The following MCF2L2 variants were observed in gnomAD, a reference collection of about 807,000 sequenced individuals.
The protein encoded by MCF2L2 is MCF.2 cell line derived transforming sequence-like 2, also known as probable guanine nucleotide exchange factor MCF2L2.
Under a neutral mutation model 150.2 loss-of-function variants are expected in MCF2L2, and 102 were observed. The observed-to-expected ratio is 0.68, with a 90% CI of 0.58 to 0.80. MCF2L2 has a LOEUF of 0.80. Among genes scored for constraint, MCF2L2 ranks in the 30% least tolerant of loss-of-function variants. The pLI is 0.00. For synonymous variants in MCF2L2, 465 were observed against 491.3 expected (o/e 0.95, Z 0.71); for missense variants, 1,256 against 1,372.8 (o/e 0.91, Z 1.34).
At chr3:183,395,684 C>T (rs148067929) in intron 1 of MCF2L2, among the ~76,000 whole-genome samples, 11,696 of 151,918 alleles carry the variant, frequency 0.077, 504 homozygotes, top group African/African-American at 0.1. Context: ...TTTGGGAGGC[C>T]GAAGTGGGAG....
At chr3:183,338,201 C>T (rs561379620) in intron 5 of MCF2L2, among the ~76,000 whole-genome samples, 283 of 152,062 alleles carry the variant, frequency 1.9e-3, no homozygotes, top group Non-Finnish European at 3.1e-3. Flanking sequence ...AATCCCAGCA[C>T]TTTGGGAGGC....
intron 14 of MCF2L2, among the ~76,000 whole-genome samples, chr3:183,279,390 T>C (rs56380383): frequency 0.026 from 3,926 of 152,284 alleles, 175 homozygotes; most frequent in African/African-American, 0.087. Flanking sequence ...GACTAAAAAA[T>C]TGACCATAGA....
chr3:183,245,874 CTTCCTTCTT>C (rs1724230447), intron 15 of MCF2L2, among the ~76,000 whole-genome samples: 1 of 152,188 alleles, frequency 6.6e-6, no homozygotes, highest in Admixed American at 6.5e-5. Context: ...TCTGCCTTCT[CTTCCTTCTT>C]CTCTGCTTTG....
At chr3:183,339,047 T>C in intron 4 of MCF2L2, 128 bp from the exon 5 acceptor site, 1 of 889,080 alleles carries the variant, frequency 1.1e-6, no homozygotes, top group Non-Finnish European at 1.6e-6. Context: ...ATGCCATGGA[T>C]GTAAATTTCA....
At chr3:183,269,513 C>A in intron 15 of MCF2L2, 1 of 337,834 alleles carries the variant, frequency 3.0e-6, no homozygotes, top group South Asian at 4.8e-5. Context: ...ATGGAATATT[C>A]ACATGGGAGA....
At position 183,344,256 on chromosome 3, in the gene MCF2L2, CACATACTGTG is replaced by C. The variant is rs767351654; in HGVS notation, c.276-2636_276-2627del. On this transcript the variant is annotated intron_variant, in intron 3 of 29. Transcript: ENST00000328913. ...CAGGTAGATTGTGCTAATTCAAAAACACATACTGTGACATCAGGAAATAACTGCTAAAAAC... is the reference window on the plus strand; with the variant it reads ...CAGGTAGATTGTGCTAATTCAAAAACACATCAGGAAATAACTGCTAAAAAC... Among the ~76,000 whole-genome samples the C allele has an allele frequency of 8.2e-4, 125 of 152,110 alleles. 1 individual carries two copies. The highest frequency in any genetic ancestry group is 1.2e-3 in the Non-Finnish European group (83 of 67,996).
intron 1 of MCF2L2, among the ~76,000 whole-genome samples, chr3:183,418,865 C>T (rs919323114): frequency 6.6e-6 from 1 of 152,204 alleles, no homozygotes; most frequent in Non-Finnish European, 1.5e-5. Context: ...ACAGTGCAAG[C>T]TGTCGGTGGA....
chr3:183,318,012 G>A (rs1460359989), intron 7 of MCF2L2, 56 bp downstream of exon 7: 5 of 1,589,470 alleles, frequency 3.1e-6, no homozygotes, highest in Non-Finnish European at 4.3e-6. Flanking sequence ...CTCTCCGAGA[G>A]GCAGGCATAC....
Position 183,427,963 on chromosome 3 carries a change from T to A in MCF2L2, c.15A>T (p.Leu5Phe). The A allele has an allele frequency of 6.2e-7, 1 of 1,613,360 alleles. No individual in the cohort carries two copies. The highest frequency in any genetic ancestry group is 8.5e-7 in the Non-Finnish European group (1 of 1,179,492). ...GCTCCTGGGGAGGCATCTCTTCTTT[T>A]AAGCAAGACAGCATTTCACTGAAAA... MLSC[L>F]KEEMPPQELT... The change falls in exon 1 of 30, where the codon TTA becomes TTT. Residue 5 changes from leucine (L) to phenylalanine (F), a missense_variant. By Grantham distance (22) the Leu-to-Phe change is conservative. Coordinates refer to ENST00000328913, the MANE Select transcript of MCF2L2 (RefSeq NM_015078.4).
chr3:183,309,639 A>T, intron 10 of MCF2L2, 77 bp downstream of exon 10: 1 of 1,594,688 alleles, frequency 6.3e-7, no homozygotes, highest in South Asian at 1.1e-5. Context: ...CAACCTTCCA[A>T]TAGCAATGAC....
At chr3:183,332,534 C>T (rs1169767154) in intron 5 of MCF2L2, among the ~76,000 whole-genome samples, 1 of 152,116 alleles carries the variant, frequency 6.6e-6, no homozygotes, top group East Asian at 1.9e-4. Context: ...TACATATGAG[C>T]ACACCTAGAT....
intron 15 of MCF2L2, among the ~76,000 whole-genome samples, chr3:183,234,519 G>A (rs1723715824): frequency 6.6e-6 from 1 of 151,984 alleles, no homozygotes; most frequent in South Asian, 2.1e-4. Context: ...AAAATGCCAA[G>A]GATAGGAACT....
At position 183,382,033 on chromosome 3, in the gene MCF2L2, T is replaced by A. The variant is rs536256771; in HGVS notation, c.161-2622A>T. ...TAAAATATTCACTAGAATGTGATTA[T>A]GCCATTTAATTTCACCTTTTATTAT... On this transcript the variant is annotated intron_variant, in intron 2 of 29. Coordinates refer to ENST00000328913, the MANE Select transcript of MCF2L2 (RefSeq NM_015078.4). Among the ~76,000 whole-genome samples the A allele has an allele frequency of 1.1e-4, 17 of 149,402 alleles. 1 individual carries two copies. The South Asian group carries it at 3.6e-3, about 32-fold the overall frequency.
chr3:183,356,703 T>C (rs1577087644), intron 3 of MCF2L2, among the ~76,000 whole-genome samples: 1 of 152,174 alleles, frequency 6.6e-6, no homozygotes. Flanking sequence ...ATAATTATAT[T>C]TACAACATAA....
chr3:183,312,584 G>A (rs914475718), intron 7 of MCF2L2, among the ~76,000 whole-genome samples: 19 of 152,226 alleles, frequency 1.2e-4, no homozygotes, highest in Admixed American at 1.0e-3. Context: ...TTGAGCATTA[G>A]AACAGGCCCA....
chr3:183,205,681 C>T (rs1450520400), intron 25 of MCF2L2, among the ~76,000 whole-genome samples, 195 bp downstream of exon 25: 2 of 152,082 alleles, frequency 1.3e-5, no homozygotes, highest in Non-Finnish European at 2.9e-5. Context: ...CCAACACAAC[C>T]ACACACAATC....
chr3:183,334,992 C>T (rs566984238), intron 5 of MCF2L2, among the ~76,000 whole-genome samples: 9 of 151,608 alleles, frequency 5.9e-5, no homozygotes, highest in African/African-American at 2.2e-4. Flanking sequence ...GTGGTGCGTA[C>T]CTGTGGTAGC....
At chr3:183,330,839 C>G (rs12630205) in intron 5 of MCF2L2, among the ~76,000 whole-genome samples, 41,392 of 151,938 alleles carry the variant, frequency 0.27, 7,139 homozygotes, top group African/African-American at 0.49. Flanking sequence ...TTTTTTCTGT[C>G]TTTTCTTGGA....
intron 15 of MCF2L2, among the ~76,000 whole-genome samples, chr3:183,246,233 T>C (rs951084094): frequency 5.3e-5 from 8 of 152,210 alleles, no homozygotes; most frequent in African/African-American, 1.9e-4. Flanking sequence ...TTGAAGTGTA[T>C]AGTTCAGTAG....
Sources: gnomAD v4.1 joint callset for allele counts (sites outside exome capture counted in the v4.1 genomes callset) on GRCh38, gnomAD v4.1.1 for gene constraint, MANE v1.5 for transcripts, NCBI Gene and HGNC (gene_info 2026-07-23, HGNC 2026-07-21) for gene names.